SNAP25: variants seen among roughly 807,000 people sequenced by gnomAD.
SNAP25 encodes synaptosome associated protein 25, also known as synaptosomal-associated protein 25.
SNAP25 carries 3 observed loss-of-function variants against 28.7 expected under a neutral mutation model. The observed-to-expected ratio is 0.10, with a 90% CI of 0.05 to 0.27. The LOEUF (loss-of-function observed/expected upper bound fraction) is 0.27, where lower values mean the gene tolerates loss of function less well. SNAP25 is among the 10% of genes least tolerant of loss of function. SNAP25 has a pLI of 1.00. For synonymous variants in SNAP25, 61 were observed against 88.1 expected, an observed-to-expected ratio of 0.69 and a Z score of 1.72; for missense variants, 117 against 278.7, an observed-to-expected ratio of 0.42 and a Z score of 4.13.
chr20:10,288,431 T>G (rs186688110), intron 4 of SNAP25, among the ~76,000 whole-genome samples: 3 of 152,318 alleles, frequency 2.0e-5, no homozygotes, highest in African/African-American at 7.2e-5. Context: ...ACATGAGTGA[T>G]AAATTGCATT....
At chr20:10,234,254 A>T (rs964224846) in intron 1 of SNAP25, among the ~76,000 whole-genome samples, 1 of 152,122 alleles carries the variant, frequency 6.6e-6, no homozygotes, top group African/African-American at 2.4e-5. Context: ...CATTTTGCAG[A>T]TATGAAAACT....
intron 1 of SNAP25, among the ~76,000 whole-genome samples, chr20:10,234,301 C>CTACT (rs1368017824): frequency 2.0e-5 from 3 of 152,154 alleles, no homozygotes; most frequent in African/African-American, 7.2e-5. Context: ...AAAAGATCAC[C>CTACT]TACTTATTTG....
chr20:10,248,249 C>T (rs996830203), intron 1 of SNAP25, among the ~76,000 whole-genome samples: 15 of 152,142 alleles, frequency 9.9e-5, no homozygotes, highest in Admixed American at 8.5e-4. Flanking sequence ...CAGGGAGACC[C>T]GGGAGACCCA....
At chr20:10,254,483 G>C (rs963473975) in intron 1 of SNAP25, among the ~76,000 whole-genome samples, 5 of 152,130 alleles carry the variant, frequency 3.3e-5, no homozygotes, top group African/African-American at 1.2e-4. Context: ...TTAGCTCAGG[G>C]TTGGCTCTTA....
rs1432208940 is a variant in SNAP25, at chr20:10,275,444, C to A, written c.-48C>A. 12 of 1,544,096 alleles carry A rather than the reference C, an allele frequency of 7.8e-6. No individual in the cohort carries two copies. Among genetic ancestry groups the A allele is most frequent in the Middle Eastern group, 1.8e-4 (1 of 5,534 alleles). On this transcript the variant is annotated 5_prime_UTR_variant, in exon 2 of 8. Transcript: ENST00000254976. ...TTCTTCCCAGGTCCAGAGCCAAACC[C>A]GTCACTGACCCCCCAGCCCAGGCGC...
chr20:10,306,288 A>G lies in SNAP25; in HGVS notation c.*91A>G. ...GGTATTATCTAGTAGGTCTGCACAC[A>G]TAACACACATCAGTCCACCCCCATT... On this transcript the variant is annotated 3_prime_UTR_variant, in exon 8 of 8. Coordinates refer to ENST00000254976, the MANE Select transcript of SNAP25 (RefSeq NM_130811.4). The G allele has an allele frequency of 1.1e-5, 13 of 1,136,982 alleles. No individual in the cohort carries two copies. Among genetic ancestry groups the G allele is most frequent in the Non-Finnish European group, 1.4e-5 (11 of 759,190 alleles). 70.4% of individuals were successfully genotyped at this position (1,136,982 alleles called of 1,614,324 possible).
chr20:10,284,227 C>T (rs2063832113), intron 3 of SNAP25, among the ~76,000 whole-genome samples: 1 of 152,060 alleles, frequency 6.6e-6, no homozygotes, highest in Non-Finnish European at 1.5e-5. Flanking sequence ...TTCTGATGAA[C>T]CTGAAAACCT....
intron 1 of SNAP25, among the ~76,000 whole-genome samples, chr20:10,230,787 A>T (rs1049222101): frequency 6.6e-6 from 1 of 152,166 alleles, no homozygotes; most frequent in African/African-American, 2.4e-5. Context: ...GCTGTCCTGG[A>T]CCATTGGATA....
At chr20:10,253,382 G>A (rs965174110) in intron 1 of SNAP25, among the ~76,000 whole-genome samples, 6 of 152,140 alleles carry the variant, frequency 3.9e-5, no homozygotes, top group African/African-American at 7.2e-5. Context: ...CTCTGGATTC[G>A]AATCCTGATT....
At chr20:10,242,677 T>G (rs1366672394) in intron 1 of SNAP25, among the ~76,000 whole-genome samples, 1 of 152,180 alleles carries the variant, frequency 6.6e-6, no homozygotes, top group African/African-American at 2.4e-5. Context: ...AGGAGGCCTG[T>G]TACAGGAGGA....
chr20:10,279,209 C>A (rs2123029315), intron 3 of SNAP25, among the ~76,000 whole-genome samples: 1 of 152,290 alleles, frequency 6.6e-6, no homozygotes, highest in African/African-American at 2.4e-5. Context: ...CTTATTCTCT[C>A]TCAAGTTTTC....
rs991661263 is a variant in SNAP25, at chr20:10,274,166, G to A, written c.-63-1263G>A. On this transcript the variant is annotated intron_variant, in intron 1 of 7. Coordinates refer to ENST00000254976, the MANE Select transcript of SNAP25 (RefSeq NM_130811.4). ...GGAAGGAGGAAGGAGGGCTCTCTCCGGAATAGACCCAGTCCTTGTACCTGT... is the reference window on the plus strand; with the variant it reads ...GGAAGGAGGAAGGAGGGCTCTCTCCAGAATAGACCCAGTCCTTGTACCTGT... 3.3e-5 allele frequency among the ~76,000 whole-genome samples: 5 copies of A among 152,054 alleles called. No homozygotes were observed. In the South Asian group the frequency reaches 6.2e-4, roughly 19 times the overall value.
chr20:10,269,136 C>T (rs990351615), intron 1 of SNAP25, among the ~76,000 whole-genome samples: 7 of 152,172 alleles, frequency 4.6e-5, no homozygotes, highest in African/African-American at 1.2e-4. Flanking sequence ...AGAAGTCCGG[C>T]GCAGTGTCTC....
chr20:10,292,916 T>C, intron 4 of SNAP25: 1 of 1,613,000 alleles, frequency 6.2e-7, no homozygotes, highest in African/African-American at 1.3e-5. Flanking sequence ...GCATGAACCA[T>C]ATCAACCAAG....
At chr20:10,268,175 T>C (rs1453392989) in intron 1 of SNAP25, among the ~76,000 whole-genome samples, 1 of 152,212 alleles carries the variant, frequency 6.6e-6, no homozygotes, top group African/African-American at 2.4e-5. Context: ...ACTTGGTTTA[T>C]AAAATCCTTT....
intron 1 of SNAP25, among the ~76,000 whole-genome samples, chr20:10,267,399 A>G (rs541181935): frequency 4.7e-4 from 71 of 152,296 alleles, no homozygotes; most frequent in East Asian, 3.1e-3. Context: ...TGAGGGTGGG[A>G]GGTGTGGAAG....
chr20:10,254,778 G>A (rs363052), intron 1 of SNAP25, among the ~76,000 whole-genome samples: 29,543 of 152,112 alleles, frequency 0.19, 2,969 homozygotes, highest in Admixed American at 0.26. Flanking sequence ...AGGGCAAAGT[G>A]CTGGAGACGC....
chr20:10,229,756 G>C lies in SNAP25; in HGVS notation c.-64+10779G>C, dbSNP rs188016117. Among the ~76,000 whole-genome samples, 7 of 152,214 alleles carry C rather than the reference G, an allele frequency of 4.6e-5. No homozygotes were observed. In the East Asian group the frequency reaches 1.2e-3, roughly 25 times the overall value. On this transcript the variant is annotated intron_variant, in intron 1 of 7. Coordinates refer to ENST00000254976, the MANE Select transcript of SNAP25 (RefSeq NM_130811.4). ...CAGGTTATACTTCACACTTGACTAA[G>C]AGACAATACTGTTTAATCAAGGTCT... is the stretch of plus-strand genomic sequence containing the variant.
intron 1 of SNAP25, among the ~76,000 whole-genome samples, chr20:10,243,170 C>T (rs2122750310): frequency 6.6e-6 from 1 of 152,204 alleles, no homozygotes; most frequent in East Asian, 1.9e-4. Context: ...TCCAGAAGCC[C>T]AGGTCGTATC....
Sources: gnomAD v4.1 joint callset for allele counts (sites outside exome capture counted in the v4.1 genomes callset) on GRCh38, gnomAD v4.1.1 for gene constraint, MANE v1.5 for transcripts, NCBI Gene and HGNC (gene_info 2026-07-23, HGNC 2026-07-21) for gene names.